TRIM5: variants seen among roughly 807,000 people sequenced by gnomAD.
TRIM5 encodes tripartite motif-containing protein 5.
Under a neutral mutation model 35.6 loss-of-function variants are expected in TRIM5, and 31 were observed. The observed-to-expected ratio is 0.87, with a 90% CI of 0.65 to 1.18. TRIM5 has a LOEUF of 1.18. TRIM5 is among the 50% of genes most tolerant of loss of function. The pLI is 0.00. For missense variants in TRIM5, 609 were observed against 591.6 expected (o/e 1.03, Z -0.31); for synonymous variants, 243 against 215.6 (o/e 1.13, Z -1.11).
At chr11:5,632,438 G>C in the TRIM5 span, 2 of 1,614,038 alleles carry the variant, frequency 1.2e-6, no homozygotes, top group Non-Finnish European at 1.7e-6. Context: ...AGCCTCTGCC[G>C]AGCCTGCATC....
chr11:5,613,214 C>CAACAT, the TRIM5 span, among the ~76,000 whole-genome samples: 3 of 152,184 alleles, frequency 2.0e-5, no homozygotes, highest in Non-Finnish European at 4.4e-5. Flanking sequence ...AAGAAGATCT[C>CAACAT]AACATATCTA....
the TRIM5 span, chr11:5,608,263 G>A: frequency 6.6e-7 from 1 of 1,512,004 alleles, no homozygotes. Context: ...CTCCACATTA[G>A]GATTATCTTT....
At chr11:5,629,677 G>A in the TRIM5 span, among the ~76,000 whole-genome samples, 5 of 152,172 alleles carry the variant, frequency 3.3e-5, no homozygotes, top group Non-Finnish European at 7.3e-5. Context: ...AGACAGGGCC[G>A]CTTCAGGTGA....
At chr11:5,679,242 T>C (rs1180636674) in intron 2 of TRIM5, 73 bp from the exon 3 acceptor site, 3 of 1,322,586 alleles carry the variant, frequency 2.3e-6, no homozygotes, top group East Asian at 4.6e-5. Flanking sequence ...AAACATGAAA[T>C]AAATCAGGTT....
At chr11:5,614,707 T>C in the TRIM5 span, among the ~76,000 whole-genome samples, 2 of 150,284 alleles carry the variant, frequency 1.3e-5, no homozygotes, top group East Asian at 1.9e-4. Context: ...TATCCTAATA[T>C]TTCCCAACAA....
At chr11:5,649,347 A>C in the TRIM5 span, among the ~76,000 whole-genome samples, 1 of 152,096 alleles carries the variant, frequency 6.6e-6, no homozygotes, top group Non-Finnish European at 1.5e-5. Context: ...AGTGACCCAA[A>C]CTTTCATTTC....
the TRIM5 span, chr11:5,632,695 T>C: frequency 6.2e-7 from 1 of 1,612,268 alleles, no homozygotes; most frequent in Non-Finnish European, 8.5e-7. Context: ...TTGTGAGCGG[T>C]CTCAGGAGCA....
chr11:5,649,711 GA>G, the TRIM5 span, among the ~76,000 whole-genome samples: 1 of 152,190 alleles, frequency 6.6e-6, no homozygotes, highest in South Asian at 2.1e-4. Context: ...TAATGTTGCA[GA>G]AGTAGAAGGC....
the TRIM5 span, among the ~76,000 whole-genome samples, chr11:5,629,516 A>C: frequency 3.9e-5 from 6 of 152,040 alleles, no homozygotes; most frequent in African/African-American, 1.5e-4. Context: ...AACTGACCTC[A>C]GGTTCTGAGA....
chr11:5,651,057 T>C, the TRIM5 span, among the ~76,000 whole-genome samples: 1 of 152,182 alleles, frequency 6.6e-6, no homozygotes, highest in Non-Finnish European at 1.5e-5. Context: ...ACTTAGTAAA[T>C]GGACTGGAGT....
chr11:5,635,087 G>T, the TRIM5 span, among the ~76,000 whole-genome samples: 2 of 151,874 alleles, frequency 1.3e-5, no homozygotes, highest in African/African-American at 4.8e-5. Flanking sequence ...TAGTCTCTAG[G>T]CCCCTATTAT....
chr11:5,607,296 G>A, the TRIM5 span, among the ~76,000 whole-genome samples: 1 of 152,108 alleles, frequency 6.6e-6, no homozygotes, highest in African/African-American at 2.4e-5. Context: ...ATAGCACATC[G>A]ATTTGATCAT....
chr11:5,611,383 G>A, the TRIM5 span: 1 of 1,405,268 alleles, frequency 7.1e-7, no homozygotes, highest in Non-Finnish European at 9.9e-7. Context: ...AGTACCCTGA[G>A]GCTTATCAGC....
the TRIM5 span, among the ~76,000 whole-genome samples, chr11:5,649,249 A>G: frequency 6.6e-6 from 1 of 152,166 alleles, no homozygotes; most frequent in African/African-American, 2.4e-5. Flanking sequence ...ACCAATATCT[A>G]TTCATAGTAC....
At chr11:5,596,674 A>T in the TRIM5 span, 1 of 629,144 alleles carries the variant, frequency 1.6e-6, no homozygotes, top group East Asian at 3.0e-5. Context: ...CAAACTCCTG[A>T]CCTGTGGGTC....
chr11:5,678,173 C>A, intron 4 of TRIM5, 31 bp downstream of exon 4: 1 of 1,559,760 alleles, frequency 6.4e-7, no homozygotes, highest in Non-Finnish European at 8.7e-7. Context: ...TTTCTTTAAT[C>A]TCAGTGCTCA....
chr11:5,660,710 G>A (rs1850784326), downstream of TRIM5, among the ~76,000 whole-genome samples: 1 of 152,012 alleles, frequency 6.6e-6, no homozygotes, highest in Admixed American at 6.6e-5. Context: ...AGAAAATAAT[G>A]GTGGTGTTGG....
intron 1 of TRIM5, among the ~76,000 whole-genome samples, chr11:5,682,698 AG>A (rs1852588908): frequency 6.6e-6 from 1 of 152,132 alleles, no homozygotes; most frequent in Admixed American, 6.5e-5. Context: ...TAGAGTGTTA[AG>A]TTACCCCCTC....
intron 4 of TRIM5, among the ~76,000 whole-genome samples, chr11:5,677,769 T>C (rs1420959227): frequency 2.6e-5 from 4 of 152,048 alleles, no homozygotes; most frequent in African/African-American, 9.7e-5. Context: ...GAAGAAATGA[T>C]AGCAGTTATT....
Sources: allele counts gnomAD v4.1 joint callset (sites outside exome capture counted in the v4.1 genomes callset), GRCh38; gene constraint gnomAD v4.1.1; transcripts MANE v1.5; gene names NCBI Gene and HGNC (gene_info 2026-07-23, HGNC 2026-07-21).